The following RAPH1 variants were observed in gnomAD, a reference collection of about 807,000 sequenced individuals.
The protein encoded by RAPH1 is ras-associated and pleckstrin homology domains-containing protein 1.
A neutral mutation model predicts 88.1 loss-of-function variants in RAPH1; 18 were observed. The ratio of observed to expected loss-of-function variants is 0.20; its 90% CI spans 0.14 to 0.30. The LOEUF is 0.30. RAPH1 is among the 10% of genes least tolerant of loss of function. The probability of loss-of-function intolerance (pLI) is 1.00; values close to 1 mark genes in which losing one functional copy is unlikely to be tolerated. For synonymous variants in RAPH1, 587 were observed against 559.0 expected (o/e 1.05, Z -0.71); for missense variants, 1,448 against 1,543.2 (o/e 0.94, Z 1.03).
At chr2:203,531,655 T>C (rs1377440275) in intron 1 of RAPH1, among the ~76,000 whole-genome samples, 1 of 151,818 alleles carries the variant, frequency 6.6e-6, no homozygotes, top group Non-Finnish European at 1.5e-5. Context: ...ATTAGGAAAA[T>C]TCAAATCAAA....
rs1422346983 is a variant in RAPH1, at chr2:203,434,359, T to C, written c.*5078A>G. 2 of 152,554 alleles carry C rather than the reference T, an allele frequency of 1.3e-5. No homozygotes were observed. The highest frequency in any genetic ancestry group is 2.9e-5 in the Non-Finnish European group (2 of 68,022). 9.5% of individuals were successfully genotyped at this position (152,554 alleles called of 1,614,324 possible). A position where few individuals can be genotyped will look rare whatever the true frequency, so the allele number is the denominator to read the frequency against. On this transcript the variant is annotated 3_prime_UTR_variant, in exon 14 of 14. Transcript: ENST00000319170. ...CCTTGACTCTTGTTTTTTAAAGAACTGAGGGAGGGAGCAATCCCAGTTAAA... is the reference window on the plus strand; with the variant it reads ...CCTTGACTCTTGTTTTTTAAAGAACCGAGGGAGGGAGCAATCCCAGTTAAA...
Position 203,440,607 on chromosome 2 carries a change from G to A in RAPH1, c.2583C>T (p.Val861=), listed in dbSNP as rs747443349. ...GAAACTGGCTGGCTATCTGCTTCAC[G>A]ACCGAGGGCACCGGTGACAGTGGAG... ...PPSPLSPVPS[V]VKQIASQFPP... is the part of the protein sequence containing the mutation. Residue 861 remains valine, a synonymous_variant, in exon 14 of 14, where the codon GTC becomes GTT. Coordinates refer to ENST00000319170, the MANE Select transcript of RAPH1 (RefSeq NM_213589.3). 39 of 1,556,078 alleles carry A rather than the reference G, an allele frequency of 2.5e-5. No individual in the cohort carries two copies. The highest frequency in any genetic ancestry group is 6.8e-5 in the African/African-American group (5 of 73,016).
intron 1 of RAPH1, among the ~76,000 whole-genome samples, chr2:203,506,898 A>ATTTTTTTTTTTTT (rs1243668890): frequency 1.1e-5 from 1 of 87,872 alleles, no homozygotes; most frequent in African/African-American, 6.4e-5. Flanking sequence ...ATATATATAT[A>ATTTTTTTTTTTTT]TTTTTTTTTT....
chr2:203,534,279 G>C (rs575128453), intron 1 of RAPH1, among the ~76,000 whole-genome samples: 36 of 152,202 alleles, frequency 2.4e-4, no homozygotes, highest in Non-Finnish European at 4.6e-4. Context: ...TCTTCCCAAA[G>C]AATTTAAGAA....
intron 4 of RAPH1, among the ~76,000 whole-genome samples, chr2:203,476,278 C>A (rs924114651): frequency 2.6e-5 from 4 of 152,088 alleles, no homozygotes; most frequent in African/African-American, 9.7e-5. Context: ...TCAAGCAATT[C>A]TTCTGCCTCA....
chr2:203,497,067 A>C lies in RAPH1; in HGVS notation c.1-1714T>G, dbSNP rs553251299. Among the ~76,000 whole-genome samples, 8 of 152,344 alleles carry C rather than the reference A, an allele frequency of 5.3e-5. No homozygotes were observed. The East Asian group carries it at 1.5e-3, about 29-fold the overall frequency. On this transcript the variant is annotated intron_variant, in intron 1 of 13. Transcript: ENST00000319170. ...TGATAGTATTAAGGGGTGGGGCCTTAAAGAAGTGATTGGGCCATAAAGGCT... is the reference window on the plus strand; with the variant it reads ...TGATAGTATTAAGGGGTGGGGCCTTCAAGAAGTGATTGGGCCATAAAGGCT...
intron 3 of RAPH1, 81 bp downstream of exon 3, chr2:203,491,133 T>A (rs1688245835): frequency 1.3e-6 from 1 of 758,916 alleles, no homozygotes; most frequent in South Asian, 2.2e-5. Context: ...CGAGTTTTTA[T>A]ATTGGGAATT....
intron 4 of RAPH1, among the ~76,000 whole-genome samples, chr2:203,469,140 G>A (rs2098531023): frequency 6.6e-6 from 1 of 152,214 alleles, no homozygotes; most frequent in Non-Finnish European, 1.5e-5. Context: ...TTGGGAGACA[G>A]ATCCATCTAG....
At chr2:203,477,061 G>A (rs761142519) in intron 4 of RAPH1, 4 of 1,593,036 alleles carry the variant, frequency 2.5e-6, no homozygotes, top group Non-Finnish European at 2.6e-6. Context: ...GCCATGGCAT[G>A]TTTATAGAAC....
chr2:203,487,969 T>A (rs1454196523), intron 4 of RAPH1, among the ~76,000 whole-genome samples: 2 of 152,194 alleles, frequency 1.3e-5, no homozygotes, highest in African/African-American at 4.8e-5. Context: ...TAGTTAAAAT[T>A]CAAGATTTTA....
chr2:203,464,988 C>T (rs937382170), intron 4 of RAPH1, among the ~76,000 whole-genome samples: 10 of 152,182 alleles, frequency 6.6e-5, no homozygotes, highest in African/African-American at 2.2e-4. Flanking sequence ...ACTAACACCA[C>T]CAAATGCTGC....
At chr2:203,483,966 C>T (rs944188894) in intron 4 of RAPH1, among the ~76,000 whole-genome samples, 3 of 152,106 alleles carry the variant, frequency 2.0e-5, no homozygotes, top group Admixed American at 6.6e-5. Flanking sequence ...GACTAAGTCA[C>T]ACTACCACCA....
At chr2:203,471,635 C>T (rs923529936) in intron 4 of RAPH1, among the ~76,000 whole-genome samples, 13 of 151,752 alleles carry the variant, frequency 8.6e-5, no homozygotes, top group Non-Finnish European at 1.8e-4. Context: ...AGTACATACA[C>T]GGTCATAGAT....
intron 4 of RAPH1, among the ~76,000 whole-genome samples, chr2:203,476,696 G>A (rs1173416547): frequency 6.6e-6 from 1 of 152,080 alleles, no homozygotes; most frequent in Non-Finnish European, 1.5e-5. Context: ...TTTTAAGAAA[G>A]AAACTAGGCT....
chr2:203,452,028 C>T (rs901457809), intron 10 of RAPH1, among the ~76,000 whole-genome samples: 3 of 152,158 alleles, frequency 2.0e-5, no homozygotes, highest in African/African-American at 7.2e-5. Flanking sequence ...CTGCAGCAGC[C>T]ATCTTGGGAC....
At chr2:203,478,450 C>T (rs1459609290) in intron 4 of RAPH1, among the ~76,000 whole-genome samples, 1 of 152,052 alleles carries the variant, frequency 6.6e-6, no homozygotes, top group African/African-American at 2.4e-5. Context: ...TCCCTCCATA[C>T]AATAAATTAT....
intron 13 of RAPH1, chr2:203,442,394 T>G (rs2098505046): frequency 9.1e-6 from 2 of 219,764 alleles, no homozygotes; most frequent in African/African-American, 2.3e-5. Context: ...ACTTTGAGGA[T>G]CCAAGATAAA....
At chr2:203,467,459 C>A (rs1050156260) in intron 4 of RAPH1, among the ~76,000 whole-genome samples, 1 of 151,462 alleles carries the variant, frequency 6.6e-6, no homozygotes, top group East Asian at 2.0e-4. Flanking sequence ...ATTAGCTGGG[C>A]GTGGTGGCAC....
chr2:203,461,979 G>A, intron 4 of RAPH1, 54 bp from the exon 5 acceptor site: 1 of 1,463,408 alleles, frequency 6.8e-7, no homozygotes, highest in Non-Finnish European at 9.4e-7. Flanking sequence ...AAATATTTGA[G>A]AAATCTTTTT....
Sources: gnomAD v4.1 joint callset for allele counts (sites outside exome capture counted in the v4.1 genomes callset) on GRCh38, gnomAD v4.1.1 for gene constraint, MANE v1.5 for transcripts, NCBI Gene and HGNC (gene_info 2026-07-23, HGNC 2026-07-21) for gene names.